Variants in RBPMS observed in about 807,000 individuals in gnomAD.
The protein encoded by RBPMS is RNA binding protein, mRNA processing factor, also known as RNA-binding protein with multiple splicing.
Under a neutral mutation model 26.8 loss-of-function variants are expected in RBPMS, and 7 were observed. The observed-to-expected ratio is 0.26, with a 90% confidence interval of 0.15 to 0.49. RBPMS has a LOEUF of 0.49. RBPMS is among the 20% of genes least tolerant of loss of function. The pLI is 0.98. For synonymous variants in RBPMS, 96 were observed against 93.3 expected, an observed-to-expected ratio of 1.03 and a Z score of -0.17; for missense variants, 186 against 250.0, an observed-to-expected ratio of 0.74 and a Z score of 1.73.
chr8:30,504,410 T>C lies in RBPMS; in HGVS notation c.371T>C (p.Val124Ala), dbSNP rs767222758. The C allele has an allele frequency of 3.7e-6, 6 of 1,614,166 alleles. No homozygotes were observed. The highest frequency in any genetic ancestry group is 5.1e-6 in the Non-Finnish European group (6 of 1,179,984). ...CCCAGTACTCCTCTGCCCAACACTG[T>C]ACCTCAGTTCATTGCCAGAGAGCCA... ...PNPSTPLPNT[V>A]PQFIAREPYE... The change falls in exon 5 of 9, where the codon GTA becomes GCA. Residue 124 changes from valine (V) to alanine (A), a missense_variant. Val to Ala is a moderately conservative substitution (Grantham distance 64). Coordinates refer to ENST00000397323, the MANE Select transcript of RBPMS (RefSeq NM_001008710.3).
chr8:30,509,027 GCTCCAAGGAGTC>G (rs1472328570), intron 5 of RBPMS, among the ~76,000 whole-genome samples: 1 of 152,076 alleles, frequency 6.6e-6, no homozygotes, highest in Non-Finnish European at 1.5e-5. Flanking sequence ...CTGTACTCCA[GCTCCAAGGAGTC>G]CGGTTCTGCA....
At chr8:30,545,517 A>AT in intron 6 of RBPMS, 34 of 894,286 alleles carry the variant, frequency 3.8e-5, no homozygotes, top group Non-Finnish European at 4.6e-5. Flanking sequence ...CAGCCTTTAA[A>AT]TTTTAAATTT....
At chr8:30,458,661 C>T (rs1815526499) in intron 1 of RBPMS, among the ~76,000 whole-genome samples, 1 of 152,120 alleles carries the variant, frequency 6.6e-6, no homozygotes, top group Non-Finnish European at 1.5e-5. Context: ...TTCTGTAGTC[C>T]ATTTCCCTTG....
chr8:30,450,099 G>T (rs3735768), intron 1 of RBPMS, among the ~76,000 whole-genome samples: 37,581 of 152,086 alleles, frequency 0.25, 5,009 homozygotes, highest in East Asian at 0.42. Flanking sequence ...TTAGTGCATG[G>T]TTTCCTTTTC....
intron 6 of RBPMS, chr8:30,556,365 C>G: frequency 1.0e-6 from 1 of 985,670 alleles, no homozygotes; most frequent in Non-Finnish European, 1.2e-6. Flanking sequence ...CCCAACCCTG[C>G]AGGCACCTGT....
rs577244764 is a variant in RBPMS at position 30,514,680 on chromosome 8, C to CTTTTTTTTTTTTTT, written c.397+10254_397+10267dup. Among the ~76,000 whole-genome samples the CTTTTTTTTTTTTTT allele has an allele frequency of 2.8e-4, 23 of 82,648 alleles. 4 individuals are homozygous for CTTTTTTTTTTTTTT. The highest frequency in any genetic ancestry group is 1.1e-3 in the South Asian group (2 of 1,896). 54.2% of individuals were successfully genotyped at this position (82,648 alleles called of 152,430 possible). On this transcript the variant is annotated intron_variant, in intron 5 of 8. Transcript: ENST00000397323. ...TACGGGTGCGAGCCACCATGCCGGGCTTTTTTTTTTTTTTTTTTTTTTTAA... is the reference window on the plus strand; with the variant it reads ...TACGGGTGCGAGCCACCATGCCGGGCTTTTTTTTTTTTTTTTTTTTTTTTTTTTTTTTTTTTTAA...
At chr8:30,453,341 C>T (rs971624944) in intron 1 of RBPMS, among the ~76,000 whole-genome samples, 6 of 152,176 alleles carry the variant, frequency 3.9e-5, no homozygotes, top group Non-Finnish European at 5.9e-5. Flanking sequence ...TAAAATGCTA[C>T]ATGAAAATAT....
chr8:30,557,628 C>T (rs966867365), intron 6 of RBPMS, among the ~76,000 whole-genome samples: 2 of 152,192 alleles, frequency 1.3e-5, no homozygotes, highest in African/African-American at 4.8e-5. Flanking sequence ...TTGGAGATCT[C>T]AGTAAGTCCT....
rs146587834 is a variant in RBPMS at position 30,424,683 on chromosome 8, A to G, written c.66+39525A>G. ...TGGAGTTGTGAGGATTAAAGGAGAT[A>G]TGATATGTAAAATGTTACACAGTGT... On this transcript the variant is annotated intron_variant, in intron 1 of 8. Transcript: ENST00000397323. Among the ~76,000 whole-genome samples, 284 of 152,278 alleles carry G rather than the reference A, an allele frequency of 1.9e-3. 1 individual carries two copies. The highest frequency in any genetic ancestry group is 6.6e-3 in the African/African-American group (273 of 41,572).
At chr8:30,408,988 G>GT (rs1293687353) in intron 1 of RBPMS, among the ~76,000 whole-genome samples, 4 of 152,018 alleles carry the variant, frequency 2.6e-5, no homozygotes, top group Non-Finnish European at 5.9e-5. Flanking sequence ...TTAGCATCAT[G>GT]TTTTCAAGGC....
In RBPMS at chr8:30,544,477, T is replaced by A. The variant is rs200371547; in HGVS notation, c.398-17T>A. The A allele has an allele frequency of 1.6e-5, 26 of 1,612,414 alleles. No homozygotes were observed. In the Admixed American group the frequency reaches 2.2e-4, roughly 13 times the overall value. The stretch of plus-strand genomic sequence containing the variant: ...TGTATGGTAACCACTAACTCTCGCC[T>A]TATTCTTTTCTTGCAGATGAGCTCA... On this transcript the variant is annotated splice_polypyrimidine_tract_variant and intron_variant, in intron 5 of 8. Transcript: ENST00000397323.
At chr8:30,510,753 A>AT (rs917440827) in intron 5 of RBPMS, among the ~76,000 whole-genome samples, 3 of 151,892 alleles carry the variant, frequency 2.0e-5, no homozygotes, top group Non-Finnish European at 2.9e-5. Context: ...CTAAATCTTT[A>AT]TTTTTTGTAG....
intron 1 of RBPMS, among the ~76,000 whole-genome samples, chr8:30,459,177 G>A (rs1442652386): frequency 6.6e-6 from 1 of 151,680 alleles, no homozygotes; most frequent in Non-Finnish European, 1.5e-5. Context: ...GGCCAGGCTG[G>A]TCTCGAACTC....
At chr8:30,478,626 A>G (rs760326056) in intron 3 of RBPMS, among the ~76,000 whole-genome samples, 1 of 151,986 alleles carries the variant, frequency 6.6e-6, no homozygotes, top group Non-Finnish European at 1.5e-5. Flanking sequence ...CAGCCTCCCA[A>G]ATAGCTGGGA....
intron 1 of RBPMS, among the ~76,000 whole-genome samples, chr8:30,416,882 G>A (rs1443156234): frequency 6.6e-6 from 1 of 152,132 alleles, no homozygotes; most frequent in Admixed American, 6.5e-5. Flanking sequence ...TAAGTCTCCT[G>A]TCTCAGCCTC....
rs576235572 is a variant in RBPMS, at chr8:30,459,246, G to A, written c.67-15533G>A. ...CAAAGTGCTTGGATTACAGGCATGA[G>A]CCACTGCCCCCAGTGGTTTTTTTTG... On this transcript the variant is annotated intron_variant, in intron 1 of 8. Transcript: ENST00000397323. 1.2e-4 allele frequency among the ~76,000 whole-genome samples: 19 copies of A among 152,104 alleles called. 2 individuals carry two copies. The highest frequency in any genetic ancestry group is 4.3e-4 in the African/African-American group (18 of 41,508).
Position 30,556,871 on chromosome 8 carries a change from C to T in RBPMS, c.529-2016C>T, listed in dbSNP as rs111658105. On this transcript the variant is annotated intron_variant, in intron 6 of 8. Transcript: ENST00000397323. Reference sequence around the variant, plus strand: ...AGACTCTTCTGTCCCCTTCCCTGCCCGCCCCTACCTCACCCCCATCTTCCC... The same window carrying T: ...AGACTCTTCTGTCCCCTTCCCTGCCTGCCCCTACCTCACCCCCATCTTCCC... 221 of 653,920 alleles carry T rather than the reference C, an allele frequency of 3.4e-4. 1 individual carries two copies. In the African/African-American group the frequency reaches 3.5e-3, roughly 10 times the overall value. 40.5% of individuals were successfully genotyped at this position (653,920 alleles called of 1,614,324 possible). A position where few individuals can be genotyped will look rare whatever the true frequency, so the allele number is the denominator to read the frequency against.
chr8:30,502,647 G>C (rs1820682836), intron 4 of RBPMS, among the ~76,000 whole-genome samples: 1 of 152,106 alleles, frequency 6.6e-6, no homozygotes, highest in South Asian at 2.1e-4. Context: ...TAACACCCAG[G>C]GACTGTGCTT....
chr8:30,523,394 AATAATG>A (rs1216822697), intron 5 of RBPMS, among the ~76,000 whole-genome samples: 2 of 151,748 alleles, frequency 1.3e-5, no homozygotes, highest in African/African-American at 4.8e-5. Flanking sequence ...AAAAAAAAGT[AATAATG>A]ATGATGAATT....
Sources: allele counts gnomAD v4.1 joint callset (sites outside exome capture counted in the v4.1 genomes callset), GRCh38; gene constraint gnomAD v4.1.1; transcripts MANE v1.5; gene names NCBI Gene and HGNC (gene_info 2026-07-23, HGNC 2026-07-21).